Variants in RNF17 observed in about 807,000 individuals in gnomAD.
RNF17 encodes the protein spermatogenesis associated 23.
In RNF17, 31 loss-of-function variants were observed where a neutral mutation model predicts 200.5. That is an observed-to-expected ratio of 0.15 (90% CI 0.12 to 0.21). The LOEUF (loss-of-function observed/expected upper bound fraction) is 0.21, where lower values mean the gene tolerates loss of function less well. Ranked by LOEUF, RNF17 falls within the 10% of genes least tolerant of loss-of-function variation. The pLI, the probability that RNF17 is intolerant of heterozygous loss-of-function variation, is 1.00. For synonymous variants in RNF17, 606 were observed against 637.8 expected (o/e 0.95, Z 0.75); for missense variants, 1,628 against 1,905.1 (o/e 0.85, Z 2.71).
Position 24,849,847 on chromosome 13 carries a change from T to G in RNF17, c.3102-494T>G, listed in dbSNP as rs1049939553. The stretch of plus-strand genomic sequence containing the variant: ...AAGTTAGATTTGAAATCCAAAGAAC[T>G]TCCAAAGATGGGCAGTGGAATCATC... On this transcript the variant is annotated intron_variant, in intron 22 of 35. Coordinates refer to ENST00000255324, the MANE Select transcript of RNF17 (RefSeq NM_031277.3). Among the ~76,000 whole-genome samples the G allele has an allele frequency of 5.9e-5, 9 of 152,328 alleles. No homozygotes were observed. In the East Asian group the frequency reaches 1.7e-3, roughly 29 times the overall value.
chr13:24,885,380 A>G, the RNF17 span: 1 of 1,610,114 alleles, frequency 6.2e-7, no homozygotes, highest in Non-Finnish European at 8.5e-7. Context: ...TCCCTGGGAG[A>G]GGCAGCCTGT....
At chr13:24,815,873 T>C (rs1055505480) in intron 15 of RNF17, among the ~76,000 whole-genome samples, 2 of 152,174 alleles carry the variant, frequency 1.3e-5, no homozygotes, top group African/African-American at 4.8e-5. Flanking sequence ...TGTATTACAT[T>C]GATTTTGGAT....
intron 27 of RNF17, among the ~76,000 whole-genome samples, chr13:24,861,609 A>G (rs1310614816): frequency 6.6e-6 from 1 of 152,258 alleles, no homozygotes; most frequent in African/African-American, 2.4e-5. Context: ...AGACATGTTC[A>G]TAAGTAGGAA....
downstream of RNF17, chr13:24,882,874 G>GTTTTTTTTTTTT: frequency 2.8e-6 from 1 of 360,512 alleles, no homozygotes. Flanking sequence ...GTACTTCTTG[G>GTTTTTTTTTTTT]TTTTTTTTTA....
At chr13:24,799,824 C>T (rs1296191565) in intron 12 of RNF17, among the ~76,000 whole-genome samples, 1 of 152,060 alleles carries the variant, frequency 6.6e-6, no homozygotes, top group Non-Finnish European at 1.5e-5. Flanking sequence ...CTTCTTATGT[C>T]ACTTTAAAGC....
chr13:24,754,112 C>T, the RNF17 span, among the ~76,000 whole-genome samples: 11 of 151,104 alleles, frequency 7.3e-5, no homozygotes, highest in South Asian at 1.7e-3. Context: ...GAGCCGAGAT[C>T]GCACCATTGC....
In RNF17 at chr13:24,799,418, A is replaced by C; in HGVS notation, c.1423A>C (p.Ile475Leu). ...AGGTGCAAGAATATTTGTCAGCAGTATTAAAAATGGAATGTGGTGTCGAGG... is the reference window on the plus strand; with the variant it reads ...AGGTGCAAGAATATTTGTCAGCAGTCTTAAAAATGGAATGTGGTGTCGAGG... Reference protein sequence around the residue: ...ELGARIFVSSIKNGMWCRGTI... With the variant: ...ELGARIFVSSLKNGMWCRGTI... The change falls in exon 12 of 36, where the codon ATT becomes CTT. Residue 475 changes from isoleucine to leucine, a missense_variant. Ile to Leu is a conservative substitution (Grantham distance 5, BLOSUM62 2). Transcript: ENST00000255324. 6.2e-7 allele frequency: 1 copy of C among 1,608,710 alleles called. No individual in the cohort carries two copies. Among genetic ancestry groups the C allele is most frequent in the Non-Finnish European group, 8.5e-7 (1 of 1,177,466 alleles).
the RNF17 span, chr13:24,886,162 T>C: frequency 1.4e-5 from 7 of 495,192 alleles, no homozygotes; most frequent in East Asian, 2.1e-4. Context: ...GAGGTGAATC[T>C]CTCTCTAAAA....
At chr13:24,787,712 C>T (rs9318813) in intron 6 of RNF17, among the ~76,000 whole-genome samples, 26,616 of 152,124 alleles carry the variant, frequency 0.17, 2,477 homozygotes, top group South Asian at 0.32. Flanking sequence ...AATCTCCTGC[C>T]TTCCACAAAA....
intron 17 of RNF17, 125 bp downstream of exon 17, chr13:24,830,724 T>C: frequency 1.5e-6 from 1 of 687,808 alleles, no homozygotes; most frequent in Non-Finnish European, 2.6e-6. Flanking sequence ...ACAGGGACTA[T>C]AGATAAATGT....
At chr13:24,809,128 C>A (rs1485671481) in intron 15 of RNF17, among the ~76,000 whole-genome samples, 8 of 150,102 alleles carry the variant, frequency 5.3e-5, no homozygotes, top group African/African-American at 1.5e-4. Flanking sequence ...TGTCTCTGCC[C>A]GGCTTTGGTA....
the RNF17 span, chr13:24,885,807 C>G: frequency 2.9e-6 from 2 of 695,930 alleles, no homozygotes; most frequent in Non-Finnish European, 5.1e-6. Context: ...TAATATTTTT[C>G]TTTACTAATT....
Position 24,800,468 on chromosome 13 carries a change from G to C in RNF17, c.1692G>C (p.Gly564=). The C allele has an allele frequency of 1.9e-6, 3 of 1,613,342 alleles. No individual in the cohort carries two copies. The highest frequency in any genetic ancestry group is 2.5e-6 in the Non-Finnish European group (3 of 1,179,624). The change falls in exon 13 of 36, where the codon GGG becomes GGC. Residue 564 remains glycine (G), a synonymous_variant. Transcript: ENST00000255324. ...GGAAATCTGAACCATATACTGAAGG[G>C]CTGCTAAAAGACATCCAGCCATTAG... ...VLRKSEPYTE[G]LLKDIQPLAQ...
chr13:24,766,537 T>C (rs1879722405), intron 1 of RNF17, among the ~76,000 whole-genome samples: 1 of 152,226 alleles, frequency 6.6e-6, no homozygotes, highest in Admixed American at 6.5e-5. Context: ...GCCTTGCCAG[T>C]GTCTTAAATA....
chr13:24,796,006 G>T, intron 10 of RNF17, 131 bp from the exon 11 acceptor site: 1 of 527,530 alleles, frequency 1.9e-6, no homozygotes, highest in South Asian at 4.4e-5. Flanking sequence ...ACTTCCTGGG[G>T]CCGACGTGCG....
chr13:24,787,922 A>G (rs1394715245), intron 6 of RNF17, 66 bp from the exon 7 acceptor site: 18 of 1,302,142 alleles, frequency 1.4e-5, no homozygotes, highest in Admixed American at 1.3e-4. Context: ...TCAAGATACT[A>G]TAGATCGACT....
chr13:24,761,992 T>C (rs187097008), upstream of RNF17, among the ~76,000 whole-genome samples: 1 of 152,348 alleles, frequency 6.6e-6, no homozygotes, highest in Non-Finnish European at 1.5e-5. Context: ...AGAGGCTTGC[T>C]ACATGCTAGA....
chr13:24,796,595 A>G (rs950346874), intron 11 of RNF17, among the ~76,000 whole-genome samples: 2 of 152,270 alleles, frequency 1.3e-5, no homozygotes, highest in East Asian at 1.9e-4. Context: ...CCTTGTCTCC[A>G]TGAAGAACTG....
At chr13:24,815,439 G>A (rs1179200984) in intron 15 of RNF17, among the ~76,000 whole-genome samples, 1 of 82,218 alleles carries the variant, frequency 1.2e-5, no homozygotes, top group Non-Finnish European at 2.5e-5. Context: ...GTGTGTGTGT[G>A]TGTGTGTGTG....
Sources: allele counts gnomAD v4.1 joint callset (sites outside exome capture counted in the v4.1 genomes callset), GRCh38; gene constraint gnomAD v4.1.1; transcripts MANE v1.5; gene names NCBI Gene and HGNC (gene_info 2026-07-23, HGNC 2026-07-21).